SNX24: variants seen among roughly 807,000 people sequenced by gnomAD.
The protein encoded by SNX24 is sorting nexin-24.
SNX24 carries 22 observed loss-of-function variants against 28.7 expected under a neutral mutation model. The observed-to-expected ratio is 0.77, with a 90% CI of 0.55 to 1.10. The LOEUF (loss-of-function observed/expected upper bound fraction) is 1.10, where lower values mean the gene tolerates loss of function less well. SNX24 is among the 50% of genes least tolerant of loss of function. The pLI, the probability that SNX24 is intolerant of heterozygous loss-of-function variation, is 0.00. For synonymous variants in SNX24, 69 were observed against 71.5 expected (o/e 0.96, Z 0.18); for missense variants, 221 against 201.1 (o/e 1.10, Z -0.60).
Position 122,845,863 on chromosome 5 carries a change from G to C in SNX24, c.60+170G>C, listed in dbSNP as rs1351750847. 3.3e-5 allele frequency among the ~76,000 whole-genome samples: 5 copies of C among 151,880 alleles called. No homozygotes were observed. The East Asian group carries it at 7.9e-4, about 24-fold the overall frequency. The stretch of plus-strand genomic sequence containing the variant: ...CCCTTGGCGCGGTTGTCAAGGAAAC[G>C]GGCGCCCCTCCCGGGCACGGCGGCT... On this transcript the variant is annotated intron_variant, in intron 1 of 6. Coordinates refer to ENST00000261369, the MANE Select transcript of SNX24 (RefSeq NM_014035.4).
chr5:123,024,110 G>C, intron 5 of SNX24: 2 of 1,307,782 alleles, frequency 1.5e-6, no homozygotes, highest in Non-Finnish European at 2.1e-6. Context: ...AGGAAATAAG[G>C]TTGGTTGGTT....
At chr5:122,875,013 AG>A (rs1298919704) in intron 1 of SNX24, among the ~76,000 whole-genome samples, 1 of 152,236 alleles carries the variant, frequency 6.6e-6, no homozygotes, top group African/African-American at 2.4e-5. Flanking sequence ...TGCTTGAGTT[AG>A]GCTTATATGG....
intron 3 of SNX24, among the ~76,000 whole-genome samples, chr5:122,976,967 C>T (rs778618333): frequency 3.3e-5 from 5 of 152,068 alleles, no homozygotes; most frequent in Non-Finnish European, 5.9e-5. Context: ...TACAGTGGAG[C>T]AAAATTTGGA....
chr5:122,907,507 C>T, intron 1 of SNX24, among the ~76,000 whole-genome samples: 1 of 152,118 alleles, frequency 6.6e-6, no homozygotes, highest in Middle Eastern at 3.2e-3. Context: ...CATTTGCTGC[C>T]TTTTCCTTTT....
At chr5:122,997,584 T>C (rs1439550065) in intron 3 of SNX24, among the ~76,000 whole-genome samples, 2 of 152,162 alleles carry the variant, frequency 1.3e-5, no homozygotes, top group African/African-American at 4.8e-5. Context: ...AAATAAACAA[T>C]TCACCTTGTT....
intron 1 of SNX24, among the ~76,000 whole-genome samples, chr5:122,924,857 C>T (rs1758608723): frequency 6.6e-6 from 1 of 152,046 alleles, no homozygotes; most frequent in Non-Finnish European, 1.5e-5. Flanking sequence ...GTGTCTAAGT[C>T]CAGACTGGTG....
At chr5:122,859,261 A>ACAACATAT (rs1289550143) in intron 1 of SNX24, among the ~76,000 whole-genome samples, 2 of 151,670 alleles carry the variant, frequency 1.3e-5, no homozygotes, top group African/African-American at 4.8e-5. Flanking sequence ...ACTTGAGCCC[A>ACAACATAT]GGAGTTGGAG....
chr5:122,894,709 C>T (rs191567298), intron 1 of SNX24, among the ~76,000 whole-genome samples: 38 of 152,306 alleles, frequency 2.5e-4, no homozygotes, highest in Admixed American at 2.2e-3. Context: ...GAAGTGCTTA[C>T]TGCTTCTGGT....
chr5:122,926,027 G>T (rs1007079210), intron 1 of SNX24, among the ~76,000 whole-genome samples: 6 of 150,456 alleles, frequency 4.0e-5, no homozygotes, highest in African/African-American at 1.5e-4. Context: ...GTGTGTGTGT[G>T]TGCATGCACA....
At chr5:123,023,615 G>T (rs1481256607) in intron 5 of SNX24, 2 of 300,306 alleles carry the variant, frequency 6.7e-6, no homozygotes, top group Non-Finnish European at 1.1e-5. Context: ...CCAATTCAAA[G>T]TTTTTTTTAG....
intron 5 of SNX24, chr5:123,028,996 G>A: frequency 1.1e-6 from 1 of 881,276 alleles, no homozygotes; most frequent in Non-Finnish European, 1.7e-6. Context: ...TTCTATCCCA[G>A]CTATGGTTTA....
chr5:123,022,158 A>G (rs1426131061), intron 5 of SNX24: 1 of 152,122 alleles, frequency 6.6e-6, no homozygotes, highest in Non-Finnish European at 1.5e-5. Flanking sequence ...TGTATCCCCA[A>G]AAGTCAAACT....
intron 1 of SNX24, among the ~76,000 whole-genome samples, chr5:122,908,896 G>C (rs1757761110): frequency 1.3e-5 from 2 of 152,200 alleles, no homozygotes; most frequent in Admixed American, 1.3e-4. Context: ...AAGACTGACT[G>C]TTCAAATGTG....
chr5:122,915,387 A>T (rs1006718711), intron 1 of SNX24, among the ~76,000 whole-genome samples: 4 of 152,170 alleles, frequency 2.6e-5, no homozygotes, highest in Admixed American at 2.0e-4. Context: ...GCAACTTGGG[A>T]GGCTGAGACA....
At chr5:122,858,349 C>G (rs758318938) in intron 1 of SNX24, among the ~76,000 whole-genome samples, 2 of 152,186 alleles carry the variant, frequency 1.3e-5, no homozygotes, top group Non-Finnish European at 2.9e-5. Context: ...TAGGCTTGCT[C>G]AATGCAGGAT....
intron 1 of SNX24, among the ~76,000 whole-genome samples, chr5:122,859,145 G>C (rs1436535913): frequency 6.6e-6 from 1 of 152,146 alleles, no homozygotes; most frequent in African/African-American, 2.4e-5. Context: ...TTGAATAAAT[G>C]AATGAATGAG....
intron 6 of SNX24, among the ~76,000 whole-genome samples, chr5:123,003,051 A>G (rs2150177649): frequency 6.6e-6 from 1 of 152,318 alleles, no homozygotes; most frequent in South Asian, 2.1e-4. Context: ...TCTGGGAGTC[A>G]CTAAATAGTA....
intron 1 of SNX24, among the ~76,000 whole-genome samples, chr5:122,866,968 G>A (rs1241963016): frequency 1.3e-5 from 2 of 152,148 alleles, no homozygotes; most frequent in African/African-American, 4.8e-5. Flanking sequence ...TTTTGCTAGT[G>A]GGTCACTGGG....
chr5:122,967,764 A>T (rs528305739), intron 3 of SNX24, among the ~76,000 whole-genome samples: 1 of 152,268 alleles, frequency 6.6e-6, no homozygotes, highest in African/African-American at 2.4e-5. Context: ...TATTATCTGC[A>T]TTCACCTAAA....
Sources: gnomAD v4.1 joint callset for allele counts (sites outside exome capture counted in the v4.1 genomes callset) on GRCh38, gnomAD v4.1.1 for gene constraint, MANE v1.5 for transcripts, NCBI Gene and HGNC (gene_info 2026-07-23, HGNC 2026-07-21) for gene names.